TMEM64: variants seen among roughly 807,000 people sequenced by gnomAD.
TMEM64 encodes transmembrane protein 64.
Under a neutral mutation model 24.5 loss-of-function variants are expected in TMEM64, and 19 were observed. The ratio of observed to expected loss-of-function variants is 0.78; its 90% CI spans 0.54 to 1.14. The LOEUF is 1.14. TMEM64 is among the 50% of genes most tolerant of loss of function. The pLI is 0.00. For missense variants in TMEM64, 487 were observed against 493.0 expected (o/e 0.99, Z 0.12); for synonymous variants, 262 against 224.7 (o/e 1.17, Z -1.49).
chr8:90,634,593 A>C (rs1431069277), intron 1 of TMEM64, among the ~76,000 whole-genome samples: 1 of 152,228 alleles, frequency 6.6e-6, no homozygotes, highest in Non-Finnish European at 1.5e-5. Flanking sequence ...TCTCTACAAT[A>C]TTAGGTATTC....
chr8:90,645,379 C>T lies in TMEM64; in HGVS notation c.527G>A (p.Trp176Ter). 1.3e-6 allele frequency: 2 copies of T among 1,552,016 alleles called. No homozygotes were observed. Among genetic ancestry groups the T allele is most frequent in the South Asian group, 1.2e-5 (1 of 84,150 alleles). ...GGCCACGTTGAGCACGATGTAGCCC[C>T]AGCCGCAGGGGAAAGAGACCACGAT... The part of the protein sequence containing the change: ...GFIVVSFPCG[W>*]GYIVLNVAAG... The change falls in exon 1 of 3, where the codon TGG becomes TAG. Residue 176 changes from tryptophan (W) to a stop codon, truncating the protein, a stop_gained. Coordinates refer to ENST00000458549, the MANE Select transcript of TMEM64 (RefSeq NM_001008495.4). LOFTEE classifies it high-confidence loss of function. The surrounding 1 kb of genome is among the most constrained non-coding windows in gnomAD (Gnocchi z 4.2).
rs1554549858 is a variant in TMEM64, at chr8:90,645,729, C to A, written c.177G>T (p.Ala59=). 2.6e-6 allele frequency: 3 copies of A among 1,164,376 alleles called. No individual in the cohort carries two copies. The highest frequency in any genetic ancestry group is 1.6e-5 in the African/African-American group (1 of 61,326). 72.1% of individuals were successfully genotyped at this position (1,164,376 alleles called of 1,614,324 possible). A position where few individuals can be genotyped will look rare whatever the true frequency, so the allele number is the denominator to read the frequency against. The change falls in exon 1 of 3, where the codon GCG becomes GCT. Residue 59 remains alanine, a synonymous_variant. Transcript: ENST00000458549. The surrounding 1 kb of genome is among the most constrained non-coding windows in gnomAD (Gnocchi z 4.2). ...GGGASAAAAA[A]AASGALLGAY... is the part of the protein sequence containing the mutation. ...CGCCGAGCAGGGCGCCCGAGGCCGCCGCTGCTGCCGCCGCCGCGCTCGCCC... is the reference window on the plus strand; with the variant it reads ...CGCCGAGCAGGGCGCCCGAGGCCGCAGCTGCTGCCGCCGCCGCGCTCGCCC...
intron 1 of TMEM64, among the ~76,000 whole-genome samples, chr8:90,632,224 G>A (rs2130500219): frequency 6.6e-6 from 1 of 152,266 alleles, no homozygotes; most frequent in East Asian, 1.9e-4. Context: ...TGGCCTCACT[G>A]CAACCTCCAC....
chr8:90,645,012 C>T lies in TMEM64; in HGVS notation c.795+99G>A. 2 of 1,305,994 alleles carry T rather than the reference C, an allele frequency of 1.5e-6. No homozygotes were observed. Among genetic ancestry groups the T allele is most frequent in the Non-Finnish European group, 2.1e-6 (2 of 942,152 alleles). The allele number at this position is 1,305,994 out of a possible 1,614,324, so 80.9% of individuals were successfully genotyped here. A position where few individuals can be genotyped will look rare whatever the true frequency, so the allele number is the denominator to read the frequency against. Reference sequence around the variant, plus strand: ...GTAACTCCTGCCGTCAATGTCACTTCTCTGCTGGTATTTATCTGATAGAGC... The same window carrying T: ...GTAACTCCTGCCGTCAATGTCACTTTTCTGCTGGTATTTATCTGATAGAGC... On this transcript the variant is annotated intron_variant, in intron 1 of 2. Coordinates refer to ENST00000458549, the MANE Select transcript of TMEM64 (RefSeq NM_001008495.4). This position sits in a 1 kb window ranked among gnomAD's most constrained non-coding sequence, Gnocchi z 4.2.
Position 90,625,872 on chromosome 8 carries a change from A to G in TMEM64, c.952-10T>C. 1.9e-6 allele frequency: 3 copies of G among 1,546,536 alleles called. No homozygotes were observed. The highest frequency in any genetic ancestry group is 2.6e-6 in the Non-Finnish European group (3 of 1,135,152). On this transcript the variant is annotated splice_polypyrimidine_tract_variant and intron_variant, in intron 2 of 2. Transcript: ENST00000458549. ...CTATACTTATAATAATCTGTGAATA[A>G]AAATAAAACATTACAGTTATCAATA...
chr8:90,636,322 C>G (rs1315064217), intron 1 of TMEM64, among the ~76,000 whole-genome samples: 1 of 152,180 alleles, frequency 6.6e-6, no homozygotes, highest in Admixed American at 6.5e-5. Flanking sequence ...ATGGCACGAT[C>G]TCGGCTCACT....
intron 2 of TMEM64, among the ~76,000 whole-genome samples, chr8:90,629,687 G>A (rs1399264989): frequency 6.6e-6 from 1 of 151,870 alleles, no homozygotes; most frequent in African/African-American, 2.4e-5. Flanking sequence ...TAAACCAACT[G>A]TAACAAAAAC....
At chr8:90,631,474 T>G in intron 2 of TMEM64, 78 bp downstream of exon 2, 1 of 1,228,750 alleles carries the variant, frequency 8.1e-7, no homozygotes, top group South Asian at 2.0e-5. Flanking sequence ...TTATTTTCAA[T>G]GAAATCTGTC....
chr8:90,631,839 G>T, intron 1 of TMEM64, 132 bp from the exon 2 acceptor site: 1 of 622,770 alleles, frequency 1.6e-6, no homozygotes, highest in Non-Finnish European at 2.6e-6. Context: ...ACAGTATTCT[G>T]AGTTTACAAA....
At chr8:90,632,476 C>A (rs906888511) in intron 1 of TMEM64, among the ~76,000 whole-genome samples, 2 of 152,148 alleles carry the variant, frequency 1.3e-5, no homozygotes, top group Admixed American at 6.6e-5. Flanking sequence ...GCGCCCGCCA[C>A]CATGCCCGGC....
chr8:90,640,117 T>C (rs908506588), intron 1 of TMEM64, among the ~76,000 whole-genome samples: 2 of 152,228 alleles, frequency 1.3e-5, no homozygotes, highest in African/African-American at 2.4e-5. Context: ...TTGTTCATCC[T>C]ATCTGACCCT....
chr8:90,631,009 A>T (rs1158936172), intron 2 of TMEM64, among the ~76,000 whole-genome samples: 1 of 152,220 alleles, frequency 6.6e-6, no homozygotes, highest in Non-Finnish European at 1.5e-5. Flanking sequence ...ATAATAATCC[A>T]TTATACAAGT....
chr8:90,645,535 A>G lies in TMEM64; in HGVS notation c.371T>C (p.Val124Ala), dbSNP rs1809682215. The part of the protein sequence containing the change: ...LGSTCWCRSL[V>A]LVCVLAALCF... ...CAGGGCGGCCAACACGCAGACCAGC[A>G]CGAGGCTCCGGCACCAACAGGTGCT... Residue 124 changes from valine to alanine, a missense_variant, in exon 1 of 3, where the codon GTG (valine) becomes GCG (alanine). By Grantham distance (64) the Val-to-Ala change is moderately conservative (BLOSUM62 0). Transcript: ENST00000458549. This position sits in a 1 kb window ranked among gnomAD's most constrained non-coding sequence, Gnocchi z 4.2. 3 of 1,548,710 alleles carry G rather than the reference A, an allele frequency of 1.9e-6. No homozygotes were observed. The highest frequency in any genetic ancestry group is 2.6e-6 in the Non-Finnish European group (3 of 1,146,908).
Position 90,631,755 on chromosome 8 carries a change from A to C in TMEM64, c.796-48T>G, listed in dbSNP as rs754799605. Reference sequence around the variant, plus strand: ...ATGATTCATTACCAAGTAAAATTTCAATTCAACATAAAAAAATGTGTGTAT... The same window carrying C: ...ATGATTCATTACCAAGTAAAATTTCCATTCAACATAAAAAAATGTGTGTAT... On this transcript the variant is annotated intron_variant, in intron 1 of 2. Transcript: ENST00000458549. 5.3e-6 allele frequency: 8 copies of C among 1,519,084 alleles called. No homozygotes were observed. In the Middle Eastern group the frequency reaches 1.1e-3, roughly 218 times the overall value. The allele number at this position is 1,519,084 out of a possible 1,614,324, so 94.1% of individuals were successfully genotyped here.
intron 1 of TMEM64, among the ~76,000 whole-genome samples, chr8:90,634,477 C>G (rs943605496): frequency 6.6e-6 from 1 of 152,052 alleles, no homozygotes; most frequent in Non-Finnish European, 1.5e-5. Context: ...CATAACTGTT[C>G]TTGGCCATAT....
chr8:90,635,753 A>G lies in TMEM64; in HGVS notation c.796-4046T>C, dbSNP rs536388991. On this transcript the variant is annotated intron_variant, in intron 1 of 2. Coordinates refer to ENST00000458549, the MANE Select transcript of TMEM64 (RefSeq NM_001008495.4). Reference sequence around the variant, plus strand: ...ATAAAGAAAATGAGAACATATGACAAAAATGAATGTTATAAAATTATATTG... The same window carrying G: ...ATAAAGAAAATGAGAACATATGACAGAAATGAATGTTATAAAATTATATTG... 3.9e-5 allele frequency among the ~76,000 whole-genome samples: 6 copies of G among 152,364 alleles called. No individual in the cohort carries two copies. The East Asian group carries it at 1.2e-3, about 29-fold the overall frequency.
chr8:90,642,185 G>A (rs1015505939), intron 1 of TMEM64, among the ~76,000 whole-genome samples: 1 of 152,166 alleles, frequency 6.6e-6, no homozygotes, highest in Non-Finnish European at 1.5e-5. Flanking sequence ...AAGTGACTAT[G>A]AGCCAGACAA....
intron 1 of TMEM64, among the ~76,000 whole-genome samples, chr8:90,639,552 A>G (rs562381484): frequency 6.6e-6 from 1 of 152,304 alleles, no homozygotes; most frequent in East Asian, 1.9e-4. Context: ...TATATATCTA[A>G]GACCCAGTTC....
intron 1 of TMEM64, among the ~76,000 whole-genome samples, chr8:90,638,119 C>A (rs1809550638): frequency 6.6e-6 from 1 of 152,102 alleles, no homozygotes; most frequent in Non-Finnish European, 1.5e-5. Flanking sequence ...CCTATGGTAA[C>A]CCTGCAGAAA....
Sources: allele counts gnomAD v4.1 joint callset (sites outside exome capture counted in the v4.1 genomes callset), GRCh38; gene constraint gnomAD v4.1.1; non-coding constraint Gnocchi (gnomAD v3.1); transcripts MANE v1.5; gene names NCBI Gene and HGNC (gene_info 2026-07-23, HGNC 2026-07-21).